The following LARGE1 variants were observed in gnomAD, a reference collection of about 807,000 sequenced individuals.
LARGE1 encodes the protein LARGE xylosyl- and glucuronyltransferase 1.
In LARGE1, 43 loss-of-function variants were observed where a neutral mutation model predicts 87.6. That is an observed-to-expected ratio of 0.49 (90% CI 0.38 to 0.63). The LOEUF (loss-of-function observed/expected upper bound fraction) is 0.63, where lower values mean the gene tolerates loss of function less well. Ranked by LOEUF, LARGE1 falls within the 30% of genes least tolerant of loss-of-function variation. The pLI is 0.00. For synonymous variants in LARGE1, 434 were observed against 394.6 expected (o/e 1.10, Z -1.18); for missense variants, 802 against 1,000.2 (o/e 0.80, Z 2.67).
At chr22:33,300,872 C>T (rs1235867077) in intron 12 of LARGE1, among the ~76,000 whole-genome samples, 1 of 152,090 alleles carries the variant, frequency 6.6e-6, no homozygotes, top group Non-Finnish European at 1.5e-5. Context: ...GATGGGGTCT[C>T]ACTATATTGC....
At chr22:33,447,338 G>T (rs952632689) in intron 6 of LARGE1, among the ~76,000 whole-genome samples, 1 of 152,200 alleles carries the variant, frequency 6.6e-6, no homozygotes, top group Admixed American at 6.5e-5. Context: ...GGAGATGAGG[G>T]GAGAGGTAAG....
chr22:33,906,201 G>A (rs1351681722), intron 1 of LARGE1, among the ~76,000 whole-genome samples: 2 of 152,104 alleles, frequency 1.3e-5, no homozygotes, highest in African/African-American at 4.8e-5. Flanking sequence ...CATGAAAGGA[G>A]GATTGGGAGA....
chr22:33,513,274 C>T (rs2148454609), intron 6 of LARGE1, among the ~76,000 whole-genome samples: 1 of 152,328 alleles, frequency 6.6e-6, no homozygotes, highest in South Asian at 2.1e-4. Flanking sequence ...AACCACTTTG[C>T]ATGGTGGTCA....
chr22:33,406,227 T>A (rs910048219), intron 7 of LARGE1, among the ~76,000 whole-genome samples: 2 of 152,128 alleles, frequency 1.3e-5, no homozygotes, highest in African/African-American at 4.8e-5. Context: ...CTTCCCGCCG[T>A]GTATACCCAG....
chr22:33,563,079 G>T (rs2077909407), intron 6 of LARGE1: 1 of 152,488 alleles, frequency 6.6e-6, no homozygotes, highest in Admixed American at 6.5e-5. Context: ...CCGTGATGTG[G>T]GGTGTCCCAC....
intron 6 of LARGE1, among the ~76,000 whole-genome samples, chr22:33,490,208 A>C (rs570887836): frequency 1.3e-5 from 2 of 152,184 alleles, no homozygotes; most frequent in Admixed American, 6.5e-5. Flanking sequence ...ATTCCTACCA[A>C]GTTCACATTA....
chr22:33,827,431 C>CA (rs992606916), intron 1 of LARGE1, among the ~76,000 whole-genome samples: 2 of 151,860 alleles, frequency 1.3e-5, no homozygotes, highest in African/African-American at 2.4e-5. Context: ...GTCCCCCCGC[C>CA]AAAAAAATAC....
At chr22:33,219,139 T>C (rs148409589) in intron 11 of LARGE1, among the ~76,000 whole-genome samples, 163 of 152,214 alleles carry the variant, frequency 1.1e-3, no homozygotes, top group African/African-American at 3.8e-3. Flanking sequence ...GGCACTGAAA[T>C]TGGGGAGTTT....
At chr22:33,475,131 G>A (rs1602015854) in intron 6 of LARGE1, among the ~76,000 whole-genome samples, 1 of 152,096 alleles carries the variant, frequency 6.6e-6, no homozygotes, top group East Asian at 1.9e-4. Context: ...TGTTTAATAT[G>A]AGGGGTTTAG....
At chr22:33,665,846 C>A (rs551485330) in intron 2 of LARGE1, among the ~76,000 whole-genome samples, 2 of 151,894 alleles carry the variant, frequency 1.3e-5, no homozygotes, top group African/African-American at 4.8e-5. Flanking sequence ...GAGCCGAGAT[C>A]GTGCCACTGC....
intron 7 of LARGE1, among the ~76,000 whole-genome samples, chr22:33,410,350 C>T (rs575936693): frequency 1.4e-4 from 21 of 152,136 alleles, no homozygotes; most frequent in South Asian, 1.0e-3. Flanking sequence ...CCAGCCAAAT[C>T]GCATCTTGAA....
intron 6 of LARGE1, among the ~76,000 whole-genome samples, chr22:33,481,883 T>C (rs567576635): frequency 6.6e-6 from 1 of 152,302 alleles, no homozygotes; most frequent in East Asian, 1.9e-4. Context: ...CAATAAAATT[T>C]TGAGTGACAT....
At chr22:33,235,178 T>A (rs930290603) in intron 11 of LARGE1, among the ~76,000 whole-genome samples, 4 of 152,204 alleles carry the variant, frequency 2.6e-5, no homozygotes, top group Non-Finnish European at 5.9e-5. Context: ...AATAGTGCAG[T>A]AAGCAAGAGA....
chr22:33,399,389 T>A (rs7285513), intron 7 of LARGE1, among the ~76,000 whole-genome samples: 47,792 of 152,112 alleles, frequency 0.31, 8,327 homozygotes, highest in African/African-American at 0.47. Context: ...CTGTCATTGA[T>A]GGGCATTTGG....
intron 6 of LARGE1, among the ~76,000 whole-genome samples, chr22:33,553,493 G>T (rs2077588795): frequency 1.3e-5 from 2 of 152,028 alleles, no homozygotes; most frequent in Admixed American, 1.3e-4. Flanking sequence ...TCCAGCCTGG[G>T]TGACACAACA....
intron 9 of LARGE1, among the ~76,000 whole-genome samples, chr22:33,366,220 T>A (rs2064586748): frequency 6.6e-6 from 1 of 152,234 alleles, no homozygotes; most frequent in Non-Finnish European, 1.5e-5. Context: ...ACTTAATCAT[T>A]TCTTCAATGA....
intron 2 of LARGE1, among the ~76,000 whole-genome samples, chr22:33,702,731 G>A (rs1278352179): frequency 6.6e-6 from 1 of 152,160 alleles, no homozygotes; most frequent in Non-Finnish European, 1.5e-5. Flanking sequence ...TCAAATTACA[G>A]CAGCTCCTGT....
At chr22:33,432,796 A>G (rs2067127725) in intron 6 of LARGE1, among the ~76,000 whole-genome samples, 1 of 152,204 alleles carries the variant, frequency 6.6e-6, no homozygotes, top group Non-Finnish European at 1.5e-5. Context: ...CAAAGAGAAG[A>G]GCCACTCTTT....
At chr22:33,897,321 C>T (rs1052291374) in intron 1 of LARGE1, among the ~76,000 whole-genome samples, 2 of 152,204 alleles carry the variant, frequency 1.3e-5, no homozygotes, top group South Asian at 4.2e-4. Context: ...TTTTGCTCAC[C>T]CAAAAAGCTG....
Sources: gnomAD v4.1 joint callset for allele counts (sites outside exome capture counted in the v4.1 genomes callset) on GRCh38, gnomAD v4.1.1 for gene constraint, MANE v1.5 for transcripts, NCBI Gene and HGNC (gene_info 2026-07-23, HGNC 2026-07-21) for gene names.